THAP6: variants seen among roughly 807,000 people sequenced by gnomAD.
The protein encoded by THAP6 is THAP domain containing 6, also known as THAP domain-containing protein 6.
Under a neutral mutation model 20.0 loss-of-function variants are expected in THAP6, and 13 were observed. The observed-to-expected ratio is 0.65, with a 90% confidence interval of 0.42 to 1.03. The LOEUF (loss-of-function observed/expected upper bound fraction) is 1.03, where lower values mean the gene tolerates loss of function less well. THAP6 is among the 50% of genes least tolerant of loss of function. The probability of loss-of-function intolerance (pLI) is 0.00; values close to 1 mark genes in which losing one functional copy is unlikely to be tolerated. For synonymous variants in THAP6, 93 were observed against 92.2 expected (o/e 1.01, Z -0.05); for missense variants, 262 against 261.6 (o/e 1.00, Z -0.01).
chr4:75,526,569 T>C (rs1388629867), intron 4 of THAP6, among the ~76,000 whole-genome samples: 1 of 152,174 alleles, frequency 6.6e-6, no homozygotes, highest in Non-Finnish European at 1.5e-5. Context: ...TCACACCTTA[T>C]CAAATGCAAT....
At chr4:75,542,732 T>TTTGTC (rs1183015169) in intron 3 of THAP6, 16 of 346,364 alleles carry the variant, frequency 4.6e-5, no homozygotes, top group Non-Finnish European at 6.8e-5. Flanking sequence ...TTTGTTTTGT[T>TTTGTC]TTGTCTTTTT....
chr4:75,545,373 C>A (rs1009586759), intron 3 of THAP6, among the ~76,000 whole-genome samples: 4 of 152,196 alleles, frequency 2.6e-5, no homozygotes, highest in African/African-American at 4.8e-5. Context: ...AGGTTAGGAA[C>A]CTTCTCCAGG....
chr4:75,528,508 G>A lies in THAP6; in HGVS notation c.*1294G>A, dbSNP rs1186683163. 5 of 984,762 alleles carry A rather than the reference G, an allele frequency of 5.1e-6. No individual in the cohort carries two copies. The highest frequency in any genetic ancestry group is 1.7e-5 in the African/African-American group (1 of 57,182). 61.0% of individuals were successfully genotyped at this position (984,762 alleles called of 1,614,324 possible). A position where few individuals can be genotyped will look rare whatever the true frequency, so the allele number is the denominator to read the frequency against. ...TCATTGTAGTAACAAAAATTGAATT[G>A]CATTTTGTGCTCAGTTGTTTATTGT... On this transcript the variant is annotated 3_prime_UTR_variant, in exon 5 of 5. Transcript: ENST00000311638.
At chr4:75,539,888 A>G in intron 2 of THAP6, 1 of 1,536,144 alleles carries the variant, frequency 6.5e-7, no homozygotes. Context: ...AAGAACAGGA[A>G]GAAGAACAAA....
chr4:75,527,737 G>T lies in THAP6; in HGVS notation c.*523G>T. ...GGATCTTTTTACAAGGCTTCCTGTGGTATTGACTCTGAGAATAACACATAG... is the reference window on the plus strand; with the variant it reads ...GGATCTTTTTACAAGGCTTCCTGTGTTATTGACTCTGAGAATAACACATAG... On this transcript the variant is annotated 3_prime_UTR_variant, in exon 5 of 5. Coordinates refer to ENST00000311638, the MANE Select transcript of THAP6 (RefSeq NM_144721.6). 2.0e-6 allele frequency: 2 copies of T among 988,964 alleles called. No homozygotes were observed. The highest frequency in any genetic ancestry group is 2.4e-6 in the Non-Finnish European group (2 of 832,112). 61.3% of individuals were successfully genotyped at this position (988,964 alleles called of 1,614,324 possible).
Position 75,529,395 on chromosome 4 carries a change from G to A in THAP6, c.*2181G>A. The A allele has an allele frequency of 1.0e-6, 1 of 985,374 alleles. No individual in the cohort carries two copies. The highest frequency in any genetic ancestry group is 1.2e-6 in the Non-Finnish European group (1 of 829,928). The allele number at this position is 985,374 out of a possible 1,614,324, so 61.0% of individuals were successfully genotyped here. ...ACTTTTACTACTTGTGTTCATAGTA[G>A]ACTCAGCACTTCTTTTTCACTGGAC... On this transcript the variant is annotated 3_prime_UTR_variant, in exon 5 of 5. Transcript: ENST00000311638.
At chr4:75,533,489 T>A (rs1425420862), downstream of THAP6, among the ~76,000 whole-genome samples, 1 of 152,210 alleles carries the variant, frequency 6.6e-6, no homozygotes, top group Non-Finnish European at 1.5e-5. Flanking sequence ...GTTCCAAGCT[T>A]GCTTCCACAT....
At chr4:75,518,838 C>G (rs1046443780) in intron 3 of THAP6, among the ~76,000 whole-genome samples, 5 of 152,194 alleles carry the variant, frequency 3.3e-5, no homozygotes, top group Non-Finnish European at 7.3e-5. Flanking sequence ...AAAAAAGCAT[C>G]CCAATCTGTT....
At chr4:75,537,126 A>C (rs1726880004) in intron 2 of THAP6, among the ~76,000 whole-genome samples, 1 of 152,082 alleles carries the variant, frequency 6.6e-6, no homozygotes, top group Non-Finnish European at 1.5e-5. Flanking sequence ...AAAAAATATG[A>C]GTATGGGCAG....
At chr4:75,524,595 G>A (rs958858152) in intron 4 of THAP6, among the ~76,000 whole-genome samples, 3 of 152,110 alleles carry the variant, frequency 2.0e-5, no homozygotes, top group East Asian at 1.9e-4. Context: ...TTTTGGGGGC[G>A]GGGGCAGTTG....
chr4:75,540,119 TCGTTCATTCACC>T (rs1204367596), intron 2 of THAP6, among the ~76,000 whole-genome samples: 1 of 152,230 alleles, frequency 6.6e-6, no homozygotes, highest in Non-Finnish European at 1.5e-5. Context: ...TAGATATGTT[TCGTTCATTCACC>T]CGTTCATTCA....
chr4:75,542,893 C>A (rs1727045207), intron 3 of THAP6: 1 of 162,942 alleles, frequency 6.1e-6, no homozygotes, highest in Non-Finnish European at 1.3e-5. Context: ...GTGAACTCAT[C>A]TTGTGTCTGA....
downstream of THAP6, among the ~76,000 whole-genome samples, chr4:75,535,011 A>G (rs1051512112): frequency 4.6e-5 from 7 of 152,236 alleles, no homozygotes; most frequent in Non-Finnish European, 1.0e-4. Context: ...TCAGGGATCT[A>G]GAACTAGAAA....
intron 3 of THAP6, among the ~76,000 whole-genome samples, chr4:75,520,546 T>C (rs1219181862): frequency 1.3e-5 from 2 of 152,306 alleles, no homozygotes; most frequent in African/African-American, 4.8e-5. Flanking sequence ...ATATGAACAA[T>C]AGTATGTGTA....
At position 75,515,395 on chromosome 4, in the gene THAP6, T is replaced by G; in HGVS notation, c.-20-38T>G. The G allele has an allele frequency of 1.9e-6, 3 of 1,568,704 alleles. No homozygotes were observed. The South Asian group carries it at 3.3e-5, about 17-fold the overall frequency. ...AAGGGAAAATATTCCCCTTCAGCTT[T>G]CCGGTTACTAACTCTTAACATTCTA... On this transcript the variant is annotated intron_variant, in intron 1 of 4. Coordinates refer to ENST00000311638, the MANE Select transcript of THAP6 (RefSeq NM_144721.6).
At chr4:75,525,639 T>C in intron 4 of THAP6, among the ~76,000 whole-genome samples, 1 of 152,254 alleles carries the variant, frequency 6.6e-6, no homozygotes, top group East Asian at 1.9e-4. Flanking sequence ...CTTATTTGCA[T>C]GCCTGGTAAA....
chr4:75,533,294 C>T (rs2148827358), downstream of THAP6, among the ~76,000 whole-genome samples: 1 of 152,312 alleles, frequency 6.6e-6, no homozygotes, highest in Non-Finnish European at 1.5e-5. Context: ...GTCACCTTTG[C>T]TCCAGTTCCC....
At chr4:75,543,121 T>G (rs1276584749) in intron 3 of THAP6, 1 of 152,312 alleles carries the variant, frequency 6.6e-6, no homozygotes, top group African/African-American at 2.4e-5. Context: ...GATAAAAGAT[T>G]GGTCCTGATC....
chr4:75,544,494 A>T (rs1727082334), intron 3 of THAP6: 1 of 152,122 alleles, frequency 6.6e-6, no homozygotes, highest in Non-Finnish European at 1.5e-5. Context: ...AGCTGGGACT[A>T]CAGGAGTGCA....
Sources: gnomAD v4.1 joint callset for allele counts (sites outside exome capture counted in the v4.1 genomes callset) on GRCh38, gnomAD v4.1.1 for gene constraint, MANE v1.5 for transcripts, NCBI Gene and HGNC (gene_info 2026-07-23, HGNC 2026-07-21) for gene names.